TNNI3K: variants seen among roughly 807,000 people sequenced by gnomAD.
The protein encoded by TNNI3K is serine/threonine-protein kinase TNNI3K.
A neutral mutation model predicts 114.5 loss-of-function variants in TNNI3K; 140 were observed. The observed-to-expected ratio is 1.22, with a 90% confidence interval of 1.07 to 1.41. The LOEUF is 1.41. Among genes scored for constraint, TNNI3K ranks in the 40% most tolerant of loss-of-function variants. TNNI3K has a pLI of 0.00. For synonymous variants in TNNI3K, 347 were observed against 347.5 expected (o/e 1.00, Z 0.02); for missense variants, 1,125 against 1,007.6 (o/e 1.12, Z -1.58).
At chr1:74,353,583 T>C (rs1661499200) in intron 10 of TNNI3K, among the ~76,000 whole-genome samples, 1 of 150,820 alleles carries the variant, frequency 6.6e-6, no homozygotes, top group South Asian at 2.1e-4. Flanking sequence ...AGTCAGTGCA[T>C]CCTCTTATGG....
At chr1:74,296,446 AATT>A (rs1483933186) in intron 5 of TNNI3K, among the ~76,000 whole-genome samples, 1 of 152,036 alleles carries the variant, frequency 6.6e-6, no homozygotes, top group Non-Finnish European at 1.5e-5. Flanking sequence ...GCTATGTCAT[AATT>A]ATTATTTTTA....
At chr1:74,509,747 CTTTTTTTTTT>C (rs68193106) in intron 23 of TNNI3K, among the ~76,000 whole-genome samples, 20 of 47,818 alleles carry the variant, frequency 4.2e-4, no homozygotes, top group South Asian at 1.4e-3. Context: ...ATCTGAATTT[CTTTTTTTTTT>C]TTTTTTTTTT....
At chr1:74,270,747 A>ATAT (rs1400636327) in intron 4 of TNNI3K, among the ~76,000 whole-genome samples, 1 of 151,762 alleles carries the variant, frequency 6.6e-6, no homozygotes, top group African/African-American at 2.4e-5. Context: ...GATAGACCAA[A>ATAT]TATTATAGAA....
At position 74,343,874 on chromosome 1, in the gene TNNI3K, T is replaced by C. The variant is rs560477255; in HGVS notation, c.932+695T>C. ...TTCCCTAAAATGCCCAAAAGGAAGG[T>C]GGATGTTTTATAAAATCTAAGGCTT... is the stretch of plus-strand genomic sequence containing the variant. On this transcript the variant is annotated intron_variant, in intron 9 of 24. Transcript: ENST00000326637. Among the ~76,000 whole-genome samples the C allele has an allele frequency of 2.0e-5, 3 of 152,286 alleles. No homozygotes were observed. The East Asian group carries it at 5.8e-4, about 29-fold the overall frequency.
At chr1:74,539,134 C>T (rs1646695739) in intron 23 of TNNI3K, among the ~76,000 whole-genome samples, 1 of 152,074 alleles carries the variant, frequency 6.6e-6, no homozygotes. Flanking sequence ...TCGTCTAGGC[C>T]TTGAGGCTGG....
chr1:74,385,415 T>C (rs1393783012), intron 17 of TNNI3K, among the ~76,000 whole-genome samples: 1 of 152,158 alleles, frequency 6.6e-6, no homozygotes, highest in Non-Finnish European at 1.5e-5. Context: ...CTGCCTAACA[T>C]GGGTGGTAAA....
intron 20 of TNNI3K, among the ~76,000 whole-genome samples, chr1:74,443,856 T>C (rs1190457220): frequency 6.6e-6 from 1 of 152,204 alleles, no homozygotes; most frequent in East Asian, 1.9e-4. Flanking sequence ...TGGTTCAGCA[T>C]ATGCAAATCA....
chr1:74,456,108 G>A (rs1667212921), intron 20 of TNNI3K, among the ~76,000 whole-genome samples: 1 of 152,194 alleles, frequency 6.6e-6, no homozygotes, highest in Non-Finnish European at 1.5e-5. Context: ...ACTGGAAGCA[G>A]GGAAATCAGT....
chr1:74,260,884 CA>C (rs1263355900), intron 4 of TNNI3K, among the ~76,000 whole-genome samples: 1 of 151,830 alleles, frequency 6.6e-6, no homozygotes, highest in Non-Finnish European at 1.5e-5. Context: ...TATACATTAA[CA>C]AAAAAACCCA....
At position 74,521,286 on chromosome 1, in the gene TNNI3K, C is replaced by T. The variant is rs1361353429; in HGVS notation, c.2352-18948C>T. On this transcript the variant is annotated intron_variant, in intron 23 of 24. Transcript: ENST00000326637. The stretch of plus-strand genomic sequence containing the variant: ...AAGCTCATTAACTTCTTTCTAGTTG[C>T]TCTTTGCTTCCTAATCTATAAAACA... Among the ~76,000 whole-genome samples, 3 of 152,094 alleles carry T rather than the reference C, an allele frequency of 2.0e-5. No individual in the cohort carries two copies. In the East Asian group the frequency reaches 5.8e-4, roughly 29 times the overall value.
intron 4 of TNNI3K, among the ~76,000 whole-genome samples, chr1:74,269,053 G>A (rs777724589): frequency 1.3e-5 from 2 of 151,732 alleles, no homozygotes; most frequent in Non-Finnish European, 2.9e-5. Flanking sequence ...TCTGTCTTTC[G>A]ACTTTTGCAC....
At chr1:74,441,126 A>G (rs1666357782) in intron 20 of TNNI3K, among the ~76,000 whole-genome samples, 1 of 152,076 alleles carries the variant, frequency 6.6e-6, no homozygotes, top group Admixed American at 6.6e-5. Flanking sequence ...TTACCTTTCT[A>G]GGTTAACACT....
At chr1:74,440,422 C>T (rs745683814) in intron 20 of TNNI3K, among the ~76,000 whole-genome samples, 39 of 151,802 alleles carry the variant, frequency 2.6e-4, no homozygotes, top group Non-Finnish European at 5.3e-4. Context: ...TAATGGCCAC[C>T]CTACAACAAT....
intron 4 of TNNI3K, among the ~76,000 whole-genome samples, chr1:74,256,702 T>C (rs1269880149): frequency 3.9e-5 from 6 of 152,092 alleles, no homozygotes; most frequent in Non-Finnish European, 8.8e-5. Context: ...CAAATGTTGA[T>C]CTACTTCACT....
At chr1:74,413,275 A>G (rs1664971266) in intron 17 of TNNI3K, among the ~76,000 whole-genome samples, 1 of 152,192 alleles carries the variant, frequency 6.6e-6, no homozygotes, top group Non-Finnish European at 1.5e-5. Flanking sequence ...CAAATGAGAA[A>G]TTCCTGGATA....
intron 21 of TNNI3K, among the ~76,000 whole-genome samples, chr1:74,481,988 T>C (rs539100261): frequency 3.3e-5 from 5 of 152,190 alleles, no homozygotes; most frequent in Non-Finnish European, 5.9e-5. Context: ...TCAGAGTGCC[T>C]TCTTTTGGAA....
chr1:74,255,411 G>A (rs1346481107), intron 4 of TNNI3K, among the ~76,000 whole-genome samples: 3 of 150,598 alleles, frequency 2.0e-5, no homozygotes, highest in African/African-American at 7.3e-5. Context: ...GTAAGTCTCA[G>A]CCTCATTTTC....
intron 5 of TNNI3K, among the ~76,000 whole-genome samples, chr1:74,318,286 A>G (rs1659426873): frequency 6.6e-6 from 1 of 152,220 alleles, no homozygotes; most frequent in South Asian, 2.1e-4. Context: ...GAGCTATTTT[A>G]AAATGTAGAT....
intron 17 of TNNI3K, among the ~76,000 whole-genome samples, chr1:74,390,500 A>G (rs1663707495): frequency 6.6e-6 from 1 of 152,190 alleles, no homozygotes; most frequent in Non-Finnish European, 1.5e-5. Context: ...AGGTCATCAC[A>G]GTGCTTTGAG....
Sources: allele counts gnomAD v4.1 joint callset (sites outside exome capture counted in the v4.1 genomes callset), GRCh38; gene constraint gnomAD v4.1.1; transcripts MANE v1.5; gene names NCBI Gene and HGNC (gene_info 2026-07-23, HGNC 2026-07-21).